Variants in CDH13 observed in about 807,000 individuals in gnomAD.
The protein encoded by CDH13 is cadherin 13, also known as cadherin-13.
CDH13 carries 24 observed loss-of-function variants against 63.8 expected under a neutral mutation model. The observed-to-expected ratio is 0.38, with a 90% CI of 0.27 to 0.53. The LOEUF is 0.53. CDH13 is among the 20% of genes least tolerant of loss of function. CDH13 has a pLI of 0.85. For missense variants in CDH13, 1,049 were observed against 903.1 expected (o/e 1.16, Z -2.07); for synonymous variants, 503 against 355.3 (o/e 1.42, Z -4.67).
At chr16:83,610,105 A>G (rs1444726766) in intron 8 of CDH13, among the ~76,000 whole-genome samples, 2 of 152,134 alleles carry the variant, frequency 1.3e-5, no homozygotes, top group Non-Finnish European at 2.9e-5. Context: ...ACCACATTTT[A>G]TGCATTCATC....
rs376544432 is a variant in CDH13 at position 83,755,101 on chromosome 16, TA to T, written c.1681+6855del. On this transcript the variant is annotated intron_variant, in intron 11 of 13. Transcript: ENST00000567109. ...GATTAGTATGTTCAAGGAGACAGAA[TA>T]AAAGATAGATTCAAGCAGAGAGAAT... Among the ~76,000 whole-genome samples, 20 of 152,130 alleles carry T rather than the reference TA, an allele frequency of 1.3e-4. No homozygotes were observed. The East Asian group carries it at 3.9e-3, about 29-fold the overall frequency.
At chr16:83,520,550 G>C (rs2074806352) in intron 7 of CDH13, among the ~76,000 whole-genome samples, 2 of 152,300 alleles carry the variant, frequency 1.3e-5, no homozygotes, top group East Asian at 3.9e-4. Flanking sequence ...AAAATCCTCT[G>C]TGTCTCGACG....
chr16:82,721,413 A>G (rs1166820310), intron 1 of CDH13, among the ~76,000 whole-genome samples: 7 of 152,154 alleles, frequency 4.6e-5, no homozygotes, highest in Non-Finnish European at 1.0e-4. Flanking sequence ...ACGGAGGTTC[A>G]GAGGTCCTCA....
chr16:82,719,845 CAA>C (rs34017657), intron 1 of CDH13, among the ~76,000 whole-genome samples: 22,886 of 87,590 alleles, frequency 0.26, 1,768 homozygotes, highest in East Asian at 0.56. Flanking sequence ...GACTCTGTCT[CAA>C]AAAAAAAAAA....
chr16:82,992,493 G>A lies in CDH13; in HGVS notation c.158-39517G>A, dbSNP rs1911767445. 2.0e-5 allele frequency among the ~76,000 whole-genome samples: 3 copies of A among 152,262 alleles called. No homozygotes were observed. The South Asian group carries it at 6.2e-4, about 32-fold the overall frequency. ...TGGTTTACAACCAGTCAAGGGGCAG[G>A]GTGGGGATAGAATTCAGAACTTTAG... On this transcript the variant is annotated intron_variant, in intron 2 of 13. Transcript: ENST00000567109.
chr16:83,616,044 G>A (rs1264244340), intron 8 of CDH13, among the ~76,000 whole-genome samples: 1 of 152,146 alleles, frequency 6.6e-6, no homozygotes, highest in African/African-American at 2.4e-5. Context: ...ATAAAAGAGA[G>A]TGAAGGGAAA....
At chr16:83,119,746 A>G (rs1385994213) in intron 3 of CDH13, among the ~76,000 whole-genome samples, 1 of 152,138 alleles carries the variant, frequency 6.6e-6, no homozygotes, top group Non-Finnish European at 1.5e-5. Flanking sequence ...GGGTATATGG[A>G]TGTCAGTCAA....
At position 82,654,938 on chromosome 16, in the gene CDH13, C is replaced by A. The variant is rs1911131846; in HGVS notation, c.45+27801C>A. On this transcript the variant is annotated intron_variant, in intron 1 of 13. Coordinates refer to ENST00000567109, the MANE Select transcript of CDH13 (RefSeq NM_001257.5). ...TAGATCCATTATACAGGCAAAGTAG[C>A]TGAGGCCCACAGCCATAGCAAATAA... Among the ~76,000 whole-genome samples the A allele has an allele frequency of 3.3e-5, 5 of 152,308 alleles. No individual in the cohort carries two copies. The South Asian group carries it at 1.0e-3, about 32-fold the overall frequency.
chr16:83,602,599 A>G lies in CDH13; in HGVS notation c.1101+5A>G. 1 of 1,613,836 alleles carries G rather than the reference A, an allele frequency of 6.2e-7. No individual in the cohort carries two copies. ...CCAAAATTCACCAAGAAAGAGGTAAACCCCTGTGCCAAACACCAACCACCA... is the reference window on the plus strand; with the variant it reads ...CCAAAATTCACCAAGAAAGAGGTAAGCCCCTGTGCCAAACACCAACCACCA... On this transcript the variant is annotated splice_donor_5th_base_variant and intron_variant, in intron 8 of 13. Coordinates refer to ENST00000567109, the MANE Select transcript of CDH13 (RefSeq NM_001257.5).
chr16:83,727,737 C>T (rs1346420046), intron 10 of CDH13, among the ~76,000 whole-genome samples: 1 of 152,076 alleles, frequency 6.6e-6, no homozygotes, highest in Non-Finnish European at 1.5e-5. Flanking sequence ...CCTGTGTGTT[C>T]AGGACAGGAG....
chr16:83,685,586 G>A (rs1904299748), intron 10 of CDH13, among the ~76,000 whole-genome samples: 1 of 152,162 alleles, frequency 6.6e-6, no homozygotes, highest in Non-Finnish European at 1.5e-5. Flanking sequence ...GCCTCCCAGG[G>A]AGCTTATCGT....
intron 7 of CDH13, among the ~76,000 whole-genome samples, chr16:83,560,185 C>G (rs1240254002): frequency 1.3e-5 from 2 of 152,218 alleles, no homozygotes; most frequent in African/African-American, 2.4e-5. Context: ...AGAGGTCTCC[C>G]TCTCACAGAG....
At chr16:83,374,266 A>G (rs960600730) in intron 6 of CDH13, among the ~76,000 whole-genome samples, 1 of 152,198 alleles carries the variant, frequency 6.6e-6, no homozygotes. Flanking sequence ...ATTTTACTCC[A>G]GGTAAAAGGT....
At chr16:82,935,014 A>G (rs1185901904) in intron 2 of CDH13, among the ~76,000 whole-genome samples, 1 of 152,174 alleles carries the variant, frequency 6.6e-6, no homozygotes, top group East Asian at 1.9e-4. Flanking sequence ...TCCTTACGGC[A>G]GCACCCCGCT....
intron 2 of CDH13, among the ~76,000 whole-genome samples, chr16:83,012,088 A>C (rs1054235114): frequency 1.3e-5 from 2 of 152,214 alleles, no homozygotes; most frequent in African/African-American, 4.8e-5. Context: ...AGAGGAACTC[A>C]TTGGTGATAC....
At chr16:82,902,174 T>G (rs1258831646) in intron 2 of CDH13, among the ~76,000 whole-genome samples, 3 of 152,158 alleles carry the variant, frequency 2.0e-5, no homozygotes, top group African/African-American at 7.2e-5. Context: ...GTTAAAAGCT[T>G]AAGAGACTGC....
chr16:82,823,278 A>G (rs1400544843), intron 1 of CDH13: 1 of 152,174 alleles, frequency 6.6e-6, no homozygotes, highest in Non-Finnish European at 1.5e-5. Flanking sequence ...TTTACCTCCT[A>G]GTGAGAAGAT....
rs1915055597 is a variant in CDH13 at position 82,686,216 on chromosome 16, T to A, written c.45+59079T>A. On this transcript the variant is annotated intron_variant, in intron 1 of 13. Coordinates refer to ENST00000567109, the MANE Select transcript of CDH13 (RefSeq NM_001257.5). Reference sequence around the variant, plus strand: ...GAGAGAGTGATCATACAATTTCTAATTCAAAGCAGAATACTCTTGAAAGTA... The same window carrying A: ...GAGAGAGTGATCATACAATTTCTAAATCAAAGCAGAATACTCTTGAAAGTA... 3.3e-5 allele frequency among the ~76,000 whole-genome samples: 5 copies of A among 152,216 alleles called. No homozygotes were observed. In the South Asian group the frequency reaches 8.3e-4, roughly 25 times the overall value.
intron 2 of CDH13, among the ~76,000 whole-genome samples, chr16:83,006,233 A>G (rs1383829959): frequency 1.3e-5 from 2 of 152,224 alleles, no homozygotes; most frequent in Non-Finnish European, 1.5e-5. Context: ...ACAATAGCAA[A>G]TGACCATGAG....
Sources: allele counts gnomAD v4.1 joint callset (sites outside exome capture counted in the v4.1 genomes callset), GRCh38; gene constraint gnomAD v4.1.1; transcripts MANE v1.5; gene names NCBI Gene and HGNC (gene_info 2026-07-23, HGNC 2026-07-21).